Variants in C13orf42 observed in about 807,000 individuals in gnomAD.
C13orf42 encodes chromosome 13 open reading frame 42.
At chr13:51,137,979 C>T (rs999223486) in intron 1 of C13orf42, among the ~76,000 whole-genome samples, 1 of 152,206 alleles carries the variant, frequency 6.6e-6, no homozygotes, top group African/African-American at 2.4e-5. Context: ...TAAGTGGCTA[C>T]ATGGTGTTCT....
intron 1 of C13orf42, among the ~76,000 whole-genome samples, chr13:51,146,461 A>C (rs1953736636): frequency 6.6e-6 from 1 of 152,240 alleles, no homozygotes; most frequent in Non-Finnish European, 1.5e-5. Context: ...TATTTTGCCA[A>C]AGTTAAGGAC....
rs1044381849 is a variant in C13orf42, at chr13:51,094,686, T to C, written c.415-6611A>G. Among the ~76,000 whole-genome samples, 9 of 152,320 alleles carry C rather than the reference T, an allele frequency of 5.9e-5. No individual in the cohort carries two copies. In the East Asian group the frequency reaches 1.7e-3, roughly 29 times the overall value. On this transcript the variant is annotated intron_variant, in intron 1 of 3. Transcript: ENST00000563710. ...TCTGCTGAAAGATGAATTCTCACAG[T>C]TTTTGCTTGTCTAACAAATACTTCT... is the stretch of plus-strand genomic sequence containing the variant.
chr13:51,156,226 A>G (rs1953823482), intron 1 of C13orf42, among the ~76,000 whole-genome samples: 1 of 152,114 alleles, frequency 6.6e-6, no homozygotes, highest in Non-Finnish European at 1.5e-5. Flanking sequence ...CAGTTTGGCT[A>G]GGCCTATATT....
At chr13:51,113,863 C>T (rs1484737160), upstream of C13orf42, among the ~76,000 whole-genome samples, 1 of 152,192 alleles carries the variant, frequency 6.6e-6, no homozygotes, top group African/African-American at 2.4e-5. Flanking sequence ...TGCATCCTCT[C>T]CCCCAGCCTA....
intron 1 of C13orf42, among the ~76,000 whole-genome samples, chr13:51,128,546 CAAT>C (rs961718059): frequency 6.6e-6 from 1 of 152,108 alleles, no homozygotes; most frequent in Non-Finnish European, 1.5e-5. Context: ...AGGCCCCACT[CAAT>C]AAAAGGCAAG....
At chr13:51,115,694 A>G (rs1953484036), upstream of C13orf42, among the ~76,000 whole-genome samples, 4 of 152,332 alleles carry the variant, frequency 2.6e-5, no homozygotes, top group African/African-American at 9.6e-5. Context: ...GGAAGAGCAC[A>G]GAAGAAGAAG....
intron 1 of C13orf42, among the ~76,000 whole-genome samples, chr13:51,122,549 A>G (rs977749070): frequency 1.8e-4 from 27 of 151,764 alleles, no homozygotes; most frequent in Admixed American, 1.1e-3. Context: ...AAAAAAAAAA[A>G]AAAGAAAGAA....
intron 1 of C13orf42, among the ~76,000 whole-genome samples, chr13:51,097,031 T>G (rs756685621): frequency 6.6e-6 from 1 of 152,238 alleles, no homozygotes; most frequent in Non-Finnish European, 1.5e-5. Flanking sequence ...GAGCATACCA[T>G]GTACACCTGT....
At chr13:51,124,021 C>T (rs1953556704) in intron 1 of C13orf42, among the ~76,000 whole-genome samples, 2 of 152,314 alleles carry the variant, frequency 1.3e-5, no homozygotes, top group Non-Finnish European at 2.9e-5. Flanking sequence ...AGATTTGCAA[C>T]TTCCCCACTT....
At chr13:51,166,082 G>A (rs1273984381) in intron 1 of C13orf42, among the ~76,000 whole-genome samples, 1 of 152,146 alleles carries the variant, frequency 6.6e-6, no homozygotes, top group East Asian at 1.9e-4. Flanking sequence ...TATGGACTAA[G>A]TACTGCTCTA....
intron 1 of C13orf42, among the ~76,000 whole-genome samples, chr13:51,171,444 TTCCC>T (rs1351065833): frequency 6.6e-6 from 1 of 152,096 alleles, no homozygotes; most frequent in Non-Finnish European, 1.5e-5. Flanking sequence ...TCTTCCTTCT[TTCCC>T]TCCCGCCTGT....
rs74085982 is a variant in C13orf42, at chr13:51,155,269, A to G, written n.136+16984T>C. Among the ~76,000 whole-genome samples the G allele has an allele frequency of 8.2e-3, 1,254 of 152,358 alleles. 23 individuals are homozygous for G. Among genetic ancestry groups the G allele is most frequent in the African/African-American group, 0.029 (1,210 of 41,588 alleles). On this transcript the variant is annotated intron_variant and non_coding_transcript_variant, in intron 1 of 4. Coordinates refer to the C13orf42 transcript ENST00000433280. ...TGGAAACTCCTTGTGGGTTTTAAAGATAACTTTTTTAATACAGACATATTT... is the reference window on the plus strand; with the variant it reads ...TGGAAACTCCTTGTGGGTTTTAAAGGTAACTTTTTTAATACAGACATATTT...
intron 1 of C13orf42, among the ~76,000 whole-genome samples, chr13:51,151,025 A>C (rs140044747): frequency 2.0e-5 from 3 of 152,238 alleles, no homozygotes; most frequent in Non-Finnish European, 4.4e-5. Context: ...GCATAAGGCC[A>C]ATCACAGGCA....
chr13:51,138,363 C>G (rs934058468), intron 1 of C13orf42, among the ~76,000 whole-genome samples: 5 of 151,866 alleles, frequency 3.3e-5, no homozygotes, highest in South Asian at 2.1e-4. Flanking sequence ...ACTCAATAGC[C>G]AAAAACAAAA....
chr13:51,096,998 C>T (rs982057841), intron 1 of C13orf42, among the ~76,000 whole-genome samples: 2 of 152,142 alleles, frequency 1.3e-5, no homozygotes, highest in African/African-American at 4.8e-5. Context: ...TTTGTATTTA[C>T]TGCTTTTTAA....
chr13:51,134,968 G>A (rs1250210978), intron 1 of C13orf42, among the ~76,000 whole-genome samples: 1 of 152,230 alleles, frequency 6.6e-6, no homozygotes, highest in African/African-American at 2.4e-5. Flanking sequence ...GTGAATGACT[G>A]ACTCCATGCC....
chr13:51,089,404 G>T (rs937069673), intron 1 of C13orf42, among the ~76,000 whole-genome samples: 3 of 152,032 alleles, frequency 2.0e-5, no homozygotes, highest in African/African-American at 7.2e-5. Context: ...CCCACATGTC[G>T]AGGGAGAGAC....
intron 1 of C13orf42, among the ~76,000 whole-genome samples, chr13:51,099,210 C>T (rs1953263228): frequency 6.6e-6 from 1 of 151,744 alleles, no homozygotes; most frequent in African/African-American, 2.4e-5. Context: ...ATTACAGCAC[C>T]CAAGGAAATG....
chr13:51,139,838 C>G (rs1265928168), intron 1 of C13orf42, among the ~76,000 whole-genome samples: 1 of 152,222 alleles, frequency 6.6e-6, no homozygotes, highest in African/African-American at 2.4e-5. Flanking sequence ...GCCCTCAGAG[C>G]TGCTCTGCCT....
Sources: gnomAD v4.1 joint callset for allele counts (sites outside exome capture counted in the v4.1 genomes callset) on GRCh38, gnomAD v4.1.1 for gene constraint, MANE v1.5 for transcripts, NCBI Gene and HGNC (gene_info 2026-07-23, HGNC 2026-07-21) for gene names.